Variants in ASMT observed in about 807,000 individuals in gnomAD.
The protein encoded by ASMT is acetylserotonin N-methyltransferase.
In ASMT, 53 loss-of-function variants were observed where a neutral mutation model predicts 41.3. The observed-to-expected ratio is 1.28, with a 90% CI of 1.03 to 1.61. The LOEUF (loss-of-function observed/expected upper bound fraction) is 1.61. Ranked by LOEUF, ASMT falls within the 40% of genes most tolerant of loss-of-function variation. ASMT has a pLI of 0.00. For missense variants in ASMT, 531 were observed against 441.3 expected (o/e 1.20, Z -1.82); for synonymous variants, 231 against 184.8 (o/e 1.25, Z -2.03).
intron 5 of ASMT, among the ~76,000 whole-genome samples, chrX:1,632,198 C>A (rs1228707861): frequency 6.6e-6 from 1 of 152,120 alleles, no homozygotes; most frequent in Non-Finnish European, 1.5e-5. Context: ...AGCTGTTGGC[C>A]GCCCTTGGCT....
intron 3 of ASMT, 64 bp from the exon 4 acceptor site, chrX:1,627,635 AAATG>A: frequency 2.8e-5 from 11 of 392,728 alleles, no homozygotes; most frequent in Non-Finnish European, 3.9e-5. Context: ...AAATGAAACG[AAATG>A]AAATGAAATG....
intron 1 of ASMT, among the ~76,000 whole-genome samples, chrX:1,616,265 G>C (rs1934105108): frequency 6.6e-6 from 1 of 151,182 alleles, no homozygotes; most frequent in African/African-American, 2.4e-5. Context: ...CTGACCTCAA[G>C]TGATTCACCT....
At chrX:1,636,241 G>A (rs1177479979) in intron 7 of ASMT, 197 bp from the exon 8 acceptor site, 4 of 784,666 alleles carry the variant, frequency 5.1e-6, no homozygotes, top group South Asian at 4.4e-5. Flanking sequence ...ACAGGCGTGA[G>A]CCACCGCGCC....
intron 5 of ASMT, among the ~76,000 whole-genome samples, chrX:1,631,004 G>A (rs1444207121): frequency 7.3e-5 from 11 of 149,812 alleles, no homozygotes; most frequent in South Asian, 2.1e-4. Flanking sequence ...TCTGCCTCCC[G>A]GGTTCACGCC....
intron 2 of ASMT, among the ~76,000 whole-genome samples, chrX:1,623,791 G>C (rs1431593851): frequency 6.6e-6 from 1 of 151,942 alleles, no homozygotes; most frequent in Non-Finnish European, 1.5e-5. Flanking sequence ...TCGAGCTCCT[G>C]ACCTCAGGTG....
chrX:1,618,167 T>A (rs1934207428), intron 1 of ASMT, among the ~76,000 whole-genome samples: 1 of 151,882 alleles, frequency 6.6e-6, no homozygotes, highest in Non-Finnish European at 1.5e-5. Flanking sequence ...ATTTTTATTT[T>A]TATTTATTTT....
intron 8 of ASMT, among the ~76,000 whole-genome samples, chrX:1,641,951 G>A (rs184871543): frequency 1.6e-4 from 24 of 146,956 alleles, no homozygotes; most frequent in African/African-American, 5.7e-4. Flanking sequence ...GATGGGGACA[G>A]TGTCCCAGTG....
At chrX:1,629,454 G>A (rs1160494801) in intron 4 of ASMT, among the ~76,000 whole-genome samples, 14 of 152,130 alleles carry the variant, frequency 9.2e-5, no homozygotes, top group Non-Finnish European at 2.9e-5. Context: ...TCTTCCCCAG[G>A]ATGTGTGGAC....
rs192918514 is a variant in ASMT, at chrX:1,634,630, G to C, written c.787+1340G>C. Reference sequence around the variant, plus strand: ...CTCTCTTTAGAATGTGGAGGGTTTGGACAACACAGGCCTGCTGAGTTAACC... The same window carrying C: ...CTCTCTTTAGAATGTGGAGGGTTTGCACAACACAGGCCTGCTGAGTTAACC... On this transcript the variant is annotated intron_variant, in intron 7 of 8. Transcript: ENST00000381241. 1.7e-3 allele frequency among the ~76,000 whole-genome samples: 259 copies of C among 151,390 alleles called. 1 individual carries two copies. The highest frequency in any genetic ancestry group is 5.5e-3 in the African/African-American group (228 of 41,230).
intron 1 of ASMT, among the ~76,000 whole-genome samples, chrX:1,619,591 A>AAGT (rs1556082390): frequency 1.4e-5 from 2 of 147,190 alleles, no homozygotes; most frequent in African/African-American, 5.0e-5. Context: ...TAATAATAAA[A>AAGT]AGTCTTTGGG....
At position 1,625,542 on chromosome X, in the gene ASMT, A is replaced by AAGGGAGGG. The variant is rs1209503614; in HGVS notation, c.374+1166_374+1173dup. Among the ~76,000 whole-genome samples the AAGGGAGGG allele has an allele frequency of 1.5e-4, 10 of 68,316 alleles. No individual in the cohort carries two copies. In the East Asian group the frequency reaches 4.5e-3, roughly 31 times the overall value. 44.8% of individuals were successfully genotyped at this position (68,316 alleles called of 152,430 possible). On this transcript the variant is annotated intron_variant, in intron 3 of 8. Coordinates refer to ENST00000381241, the MANE Select transcript of ASMT (RefSeq NM_001171038.2). ...AGAGAGAGGGGAGAAGGAAGGAAGG[A>AAGGGAGGG]AGGGAGGGAGGGAGGGAGGGAGGGA...
intron 3 of ASMT, among the ~76,000 whole-genome samples, chrX:1,625,190 T>C (rs140481016): frequency 0.024 from 3,561 of 150,812 alleles, 141 homozygotes; most frequent in African/African-American, 0.082. Flanking sequence ...TTGCAAGCTA[T>C]GCCTCCCGGG....
intron 7 of ASMT, among the ~76,000 whole-genome samples, chrX:1,633,672 C>A: frequency 6.8e-6 from 1 of 148,096 alleles, no homozygotes; most frequent in African/African-American, 2.5e-5. Flanking sequence ...TGGAGTCTCA[C>A]TCTCTTGCCC....
chrX:1,616,985 G>A (rs1434347504), intron 1 of ASMT, among the ~76,000 whole-genome samples: 1 of 152,044 alleles, frequency 6.6e-6, no homozygotes, highest in Non-Finnish European at 1.5e-5. Context: ...TGGGATTACA[G>A]GCGTGAGCCA....
intron 3 of ASMT, among the ~76,000 whole-genome samples, chrX:1,625,774 G>T (rs780749359): frequency 5.3e-5 from 8 of 151,576 alleles, no homozygotes; most frequent in Admixed American, 5.3e-4. Context: ...CTAACACGGT[G>T]AAACCCCGTC....
chrX:1,625,552 G>GGGAA (rs1569374384), intron 3 of ASMT, among the ~76,000 whole-genome samples: 1 of 92,966 alleles, frequency 1.1e-5, no homozygotes, highest in East Asian at 4.7e-4. Flanking sequence ...AAGGGAGGGA[G>GGGAA]GGAGGGAGGG....
chrX:1,629,454 GA>G (rs1934687214), intron 4 of ASMT, among the ~76,000 whole-genome samples: 1 of 152,130 alleles, frequency 6.6e-6, no homozygotes, highest in Admixed American at 6.6e-5. Context: ...TCTTCCCCAG[GA>G]TGTGTGGACC....
chrX:1,628,015 G>A (rs1301534959), intron 4 of ASMT: 1 of 596,942 alleles, frequency 1.7e-6, no homozygotes, highest in Non-Finnish European at 3.0e-6. Context: ...CAAACTCAGT[G>A]TTTATGTAGA....
rs1324077190 is a variant in ASMT at position 1,629,797 on chromosome X, G to T, written c.444-24G>T. On this transcript the variant is annotated intron_variant, in intron 4 of 8. Coordinates refer to ENST00000381241, the MANE Select transcript of ASMT (RefSeq NM_001171038.2). Reference sequence around the variant, plus strand: ...CACGTCCCCAGATCCTCACCATCTTGACAAGCGTGGTTTTGCATGCCAGGT... The same window carrying T: ...CACGTCCCCAGATCCTCACCATCTTTACAAGCGTGGTTTTGCATGCCAGGT... 5 of 1,610,180 alleles carry T rather than the reference G, an allele frequency of 3.1e-6. No individual in the cohort carries two copies. The African/African-American group carries it at 5.3e-5, about 17-fold the overall frequency.
Sources: gnomAD v4.1 joint callset for allele counts (sites outside exome capture counted in the v4.1 genomes callset) on GRCh38, gnomAD v4.1.1 for gene constraint, MANE v1.5 for transcripts, NCBI Gene and HGNC (gene_info 2026-07-23, HGNC 2026-07-21) for gene names.